Variants in DLGAP1 observed in about 807,000 individuals in gnomAD.
DLGAP1 encodes the protein disks large-associated protein 1.
Under a neutral mutation model 90.8 loss-of-function variants are expected in DLGAP1, and 11 were observed. That is an observed-to-expected ratio of 0.12 (90% CI 0.08 to 0.20). The LOEUF is 0.20. Ranked by LOEUF, DLGAP1 falls within the 10% of genes least tolerant of loss-of-function variation. The pLI is 1.00. For missense variants in DLGAP1, 1,050 were observed against 1,333.8 expected (o/e 0.79, Z 3.31); for synonymous variants, 558 against 540.7 (o/e 1.03, Z -0.44).
chr18:3,867,060 G>A (rs1211613858), intron 4 of DLGAP1, among the ~76,000 whole-genome samples: 4 of 152,110 alleles, frequency 2.6e-5, no homozygotes, highest in South Asian at 2.1e-4. Flanking sequence ...CACTATGTTG[G>A]CCATGCTGGT....
chr18:4,220,358 T>A (rs2078049834), intron 1 of DLGAP1, among the ~76,000 whole-genome samples: 1 of 152,126 alleles, frequency 6.6e-6, no homozygotes, highest in Non-Finnish European at 1.5e-5. Context: ...GAACTTAGTA[T>A]CCTTTGTTCT....
At chr18:3,741,299 CCA>C (rs1568050193) in intron 6 of DLGAP1, among the ~76,000 whole-genome samples, 4 of 129,894 alleles carry the variant, frequency 3.1e-5, no homozygotes, top group African/African-American at 6.2e-5. Flanking sequence ...ACCACCACCA[CCA>C]CATCACATCA....
At chr18:3,793,937 T>C (rs2065865299) in intron 5 of DLGAP1, among the ~76,000 whole-genome samples, 1 of 152,204 alleles carries the variant, frequency 6.6e-6, no homozygotes, top group Non-Finnish European at 1.5e-5. Context: ...TTGCTGGTTT[T>C]TGTCTTCCCT....
intron 1 of DLGAP1, among the ~76,000 whole-genome samples, chr18:4,315,804 A>AT (rs5822807): frequency 6.6e-6 from 1 of 151,932 alleles, no homozygotes; most frequent in African/African-American, 2.4e-5. Context: ...CATCATAGTA[A>AT]TTTTTTTGAC....
At position 3,833,199 on chromosome 18, in the gene DLGAP1, T is replaced by G. The variant is rs189739426; in HGVS notation, c.958-18926A>C. ...CTTCCTTCCTTCCTTCCTTCCTTCC[T>G]TCCTTCCTTCCTTCCTTCCTTCCTT... On this transcript the variant is annotated intron_variant, in intron 4 of 12. Transcript: ENST00000315677. Among the ~76,000 whole-genome samples, 147 of 93,270 alleles carry G rather than the reference T, an allele frequency of 1.6e-3. 8 individuals are homozygous for G. The highest frequency in any genetic ancestry group is 5.0e-3 in the Middle Eastern group (1 of 200). 61.2% of individuals were successfully genotyped at this position (93,270 alleles called of 152,430 possible). A position where few individuals can be genotyped will look rare whatever the true frequency, so the allele number is the denominator to read the frequency against.
intron 3 of DLGAP1, among the ~76,000 whole-genome samples, chr18:3,948,927 A>G (rs186114415): frequency 6.6e-6 from 1 of 152,182 alleles, no homozygotes; most frequent in Non-Finnish European, 1.5e-5. Context: ...GAAATAAAAA[A>G]TTTTAAAAAA....
chr18:3,992,762 G>A (rs537358041), intron 3 of DLGAP1, among the ~76,000 whole-genome samples: 1 of 152,272 alleles, frequency 6.6e-6, no homozygotes, highest in South Asian at 2.1e-4. Flanking sequence ...TATTGGCATG[G>A]ATGAGTGTAC....
chr18:3,646,691 G>A (rs922751524), intron 7 of DLGAP1, among the ~76,000 whole-genome samples: 2 of 152,266 alleles, frequency 1.3e-5, no homozygotes, highest in Non-Finnish European at 2.9e-5. Context: ...GTGGGAGGCC[G>A]AGGCGGGCAG....
rs2059368851 is a variant in DLGAP1, at chr18:3,653,067, G to A, written c.1592-70819C>T. Among the ~76,000 whole-genome samples the A allele has an allele frequency of 6.6e-6, 1 of 152,192 alleles. No individual in the cohort carries two copies. On this transcript the variant is annotated intron_variant, in intron 7 of 12. Coordinates refer to ENST00000315677, the MANE Select transcript of DLGAP1 (RefSeq NM_004746.4). This position sits in a 1 kb window ranked among gnomAD's most constrained non-coding sequence, Gnocchi z 4.6. The stretch of plus-strand genomic sequence containing the variant: ...GGGTGACTCAGCTCTTCCATGACCT[G>A]TGTTCCCACTTCTCCTTGATAAGGC...
chr18:3,815,938 G>A (rs113369290), intron 4 of DLGAP1, among the ~76,000 whole-genome samples: 6 of 152,270 alleles, frequency 3.9e-5, no homozygotes, highest in African/African-American at 1.2e-4. Flanking sequence ...TAGCAGTAAT[G>A]GTGATGGGAA....
At chr18:3,754,759 G>A (rs994829910) in intron 5 of DLGAP1, among the ~76,000 whole-genome samples, 1 of 151,144 alleles carries the variant, frequency 6.6e-6, no homozygotes, top group Admixed American at 6.6e-5. Flanking sequence ...AGCTGGGCGT[G>A]GCAGTGTGTG....
At chr18:4,065,710 T>C (rs528038884) in intron 2 of DLGAP1, among the ~76,000 whole-genome samples, 2 of 152,126 alleles carry the variant, frequency 1.3e-5, no homozygotes, top group East Asian at 3.9e-4. Context: ...TGCTCATGGA[T>C]AGGAAAAATC....
At chr18:4,319,157 A>G (rs2080610684) in intron 1 of DLGAP1, among the ~76,000 whole-genome samples, 3 of 152,226 alleles carry the variant, frequency 2.0e-5, no homozygotes, top group Non-Finnish European at 4.4e-5. Context: ...AATTAGTTTA[A>G]AAAGATATAT....
In DLGAP1 at chr18:3,867,582, A is replaced by G. The variant is rs9961406; in HGVS notation, c.957+11530T>C. ...TTAAGGTCCTGCCTAGCATGGGCACAGTGTTCCAGGAGTGTCATGCCCCAC... is the reference window on the plus strand; with the variant it reads ...TTAAGGTCCTGCCTAGCATGGGCACGGTGTTCCAGGAGTGTCATGCCCCAC... On this transcript the variant is annotated intron_variant, in intron 4 of 12. Coordinates refer to ENST00000315677, the MANE Select transcript of DLGAP1 (RefSeq NM_004746.4). Among the ~76,000 whole-genome samples, 1,239 of 152,222 alleles carry G rather than the reference A, an allele frequency of 8.1e-3. 18 individuals are homozygous for G. The highest frequency in any genetic ancestry group is 0.027 in the African/African-American group (1,139 of 41,548).
chr18:3,928,873 G>A (rs959442766), intron 3 of DLGAP1, among the ~76,000 whole-genome samples: 2 of 152,112 alleles, frequency 1.3e-5, no homozygotes, highest in African/African-American at 2.4e-5. Context: ...GATCTCGAGC[G>A]TTAGAGGTAG....
intron 7 of DLGAP1, chr18:3,655,470 C>T (rs1208647561): frequency 6.6e-6 from 1 of 152,216 alleles, no homozygotes; most frequent in Non-Finnish European, 1.5e-5. Context: ...TTAAATTCTT[C>T]TTCCTTTTCT....
intron 3 of DLGAP1, among the ~76,000 whole-genome samples, chr18:3,994,958 G>A (rs1421877649): frequency 6.6e-6 from 1 of 152,190 alleles, no homozygotes; most frequent in Non-Finnish European, 1.5e-5. Context: ...TTAGCTGTCT[G>A]CCTGTTCTGA....
At position 3,572,069 on chromosome 18, in the gene DLGAP1, GTTTT is replaced by G. The variant is rs67491547; in HGVS notation, c.1966-4492_1966-4489del. Among the ~76,000 whole-genome samples, 692 of 105,644 alleles carry G rather than the reference GTTTT, an allele frequency of 6.6e-3. 3 individuals carry two copies. Among genetic ancestry groups the G allele is most frequent in the African/African-American group, 0.022 (615 of 27,572 alleles). 69.3% of individuals were successfully genotyped at this position (105,644 alleles called of 152,430 possible). A position where few individuals can be genotyped will look rare whatever the true frequency, so the allele number is the denominator to read the frequency against. On this transcript the variant is annotated intron_variant, in intron 8 of 12. Coordinates refer to ENST00000315677, the MANE Select transcript of DLGAP1 (RefSeq NM_004746.4). ...ATGGATTTTCAGTGGTTTCTTCTAG[GTTTT>G]TTTTTTTTTTTTTTTTTCTTTTGAG...
chr18:3,933,271 T>C (rs1159485478), intron 3 of DLGAP1, among the ~76,000 whole-genome samples: 2 of 152,212 alleles, frequency 1.3e-5, no homozygotes, highest in Admixed American at 1.3e-4. Flanking sequence ...CTGTAGCTTA[T>C]AGTGCGGTGG....
Sources: allele counts gnomAD v4.1 joint callset (sites outside exome capture counted in the v4.1 genomes callset), GRCh38; gene constraint gnomAD v4.1.1; non-coding constraint Gnocchi (gnomAD v3.1); transcripts MANE v1.5; gene names NCBI Gene and HGNC (gene_info 2026-07-23, HGNC 2026-07-21).